GPD2: variants seen among roughly 807,000 people sequenced by gnomAD.
The protein encoded by GPD2 is glycerol-3-phosphate dehydrogenase, mitochondrial.
GPD2 carries 54 observed loss-of-function variants against 82.4 expected under a neutral mutation model. The ratio of observed to expected loss-of-function variants is 0.66; its 90% CI spans 0.53 to 0.82. The LOEUF (loss-of-function observed/expected upper bound fraction) is 0.82. GPD2 is among the 40% of genes least tolerant of loss of function. The pLI, the probability that GPD2 is intolerant of heterozygous loss-of-function variation, is 0.00. For missense variants in GPD2, 748 were observed against 896.2 expected (o/e 0.83, Z 2.11); for synonymous variants, 288 against 306.1 (o/e 0.94, Z 0.62).
At chr2:156,443,083 C>T (rs1682233830) in intron 1 of GPD2, among the ~76,000 whole-genome samples, 1 of 152,154 alleles carries the variant, frequency 6.6e-6, no homozygotes, top group Non-Finnish European at 1.5e-5. Flanking sequence ...ACTGTTGTCC[C>T]TATTCTGATG....
In GPD2 at chr2:156,463,530, A is replaced by G. The variant is rs533123839; in HGVS notation, c.-8-12568A>G. Among the ~76,000 whole-genome samples the G allele has an allele frequency of 2.6e-5, 4 of 152,350 alleles. No individual in the cohort carries two copies. The South Asian group carries it at 8.3e-4, about 32-fold the overall frequency. ...ATCTATTGAATGAAGAAAAACCATA[A>G]AGTAATAAACTTTTAAAGTTAAAAT... On this transcript the variant is annotated intron_variant, in intron 1 of 16. Coordinates refer to ENST00000438166, the MANE Select transcript of GPD2 (RefSeq NM_000408.5).
chr2:156,483,987 CTTTT>C (rs10610989), intron 2 of GPD2, among the ~76,000 whole-genome samples: 4 of 92,278 alleles, frequency 4.3e-5, no homozygotes, highest in African/African-American at 1.2e-4. Context: ...TGCTTGCTTG[CTTTT>C]TTTTTTTTTT....
chr2:156,486,727 G>A (rs766224484), intron 2 of GPD2, among the ~76,000 whole-genome samples: 1 of 152,186 alleles, frequency 6.6e-6, no homozygotes, highest in African/African-American at 2.4e-5. Flanking sequence ...TTTCAACAAA[G>A]AATTTCTGTA....
At position 156,535,732 on chromosome 2, in the gene GPD2, G is replaced by A. The variant is rs1487888738; in HGVS notation, c.662-13876G>A. Among the ~76,000 whole-genome samples, 4 of 152,158 alleles carry A rather than the reference G, an allele frequency of 2.6e-5. No homozygotes were observed. The East Asian group carries it at 7.7e-4, about 29-fold the overall frequency. On this transcript the variant is annotated intron_variant, in intron 6 of 16. Coordinates refer to ENST00000438166, the MANE Select transcript of GPD2 (RefSeq NM_000408.5). ...TTAAGAATAATCTAGATCTTTTAAA[G>A]CTTCGGTAATGTGGGCTTTAAAAAA...
At chr2:156,553,201 T>G (rs1200612900) in intron 8 of GPD2, among the ~76,000 whole-genome samples, 1 of 152,054 alleles carries the variant, frequency 6.6e-6, no homozygotes, top group African/African-American at 2.4e-5. Context: ...TATGTACTGA[T>G]AATACCTAAC....
chr2:156,533,523 C>T (rs1049743094), intron 6 of GPD2, among the ~76,000 whole-genome samples: 3 of 151,582 alleles, frequency 2.0e-5, no homozygotes, highest in African/African-American at 4.9e-5. Context: ...ATCTTATTAG[C>T]TCTAGATAGT....
At chr2:156,467,735 A>G (rs1297066235) in intron 1 of GPD2, among the ~76,000 whole-genome samples, 3 of 152,218 alleles carry the variant, frequency 2.0e-5, no homozygotes, top group African/African-American at 7.2e-5. Context: ...AACAACAACA[A>G]AAGAGGAGAA....
chr2:156,480,336 G>C (rs1683678756), intron 2 of GPD2, among the ~76,000 whole-genome samples: 1 of 152,186 alleles, frequency 6.6e-6, no homozygotes, highest in Admixed American at 6.5e-5. Flanking sequence ...AGTGGCCAGG[G>C]AGAATGAAAC....
chr2:156,402,140 A>G, the GPD2 span, among the ~76,000 whole-genome samples: 9 of 152,234 alleles, frequency 5.9e-5, no homozygotes, highest in Non-Finnish European at 8.8e-5. Flanking sequence ...AACACACAAT[A>G]TTATGTTCAG....
chr2:156,541,176 C>T (rs1352638586), intron 6 of GPD2, among the ~76,000 whole-genome samples: 7 of 152,232 alleles, frequency 4.6e-5, no homozygotes, highest in Non-Finnish European at 8.8e-5. Context: ...AAGCAACTAG[C>T]ATGAGATTTC....
chr2:156,495,594 A>C (rs1411876206), intron 2 of GPD2: 1 of 463,786 alleles, frequency 2.2e-6, no homozygotes. Flanking sequence ...TGAGGAATGA[A>C]GAATGTATAC....
intron 6 of GPD2, among the ~76,000 whole-genome samples, chr2:156,541,081 A>G (rs1385250087): frequency 6.6e-6 from 1 of 152,248 alleles, no homozygotes; most frequent in African/African-American, 2.4e-5. Flanking sequence ...TAGCATCATT[A>G]TCTATCTCAC....
In GPD2 at chr2:156,586,365, A is replaced by G. The variant is rs1273939712; in HGVS notation, c.*3447A>G. On this transcript the variant is annotated 3_prime_UTR_variant, in exon 17 of 17. Coordinates refer to ENST00000438166, the MANE Select transcript of GPD2 (RefSeq NM_000408.5). ...TAGGGCATGACTTCTGTATTTGTGC[A>G]ATCCTATTCTACAATTACATTCATC... 6.6e-6 allele frequency: 1 copy of G among 152,022 alleles called. No individual in the cohort carries two copies. The highest frequency in any genetic ancestry group is 1.5e-5 in the Non-Finnish European group (1 of 67,934). 9.4% of individuals were successfully genotyped at this position (152,022 alleles called of 1,614,324 possible).
At chr2:156,458,599 T>C (rs1573889086) in intron 1 of GPD2, among the ~76,000 whole-genome samples, 1 of 152,192 alleles carries the variant, frequency 6.6e-6, no homozygotes, top group African/African-American at 2.4e-5. Context: ...TCCTAATAAA[T>C]TGTAAAGGCA....
chr2:156,468,444 C>A (rs930411637), intron 1 of GPD2, among the ~76,000 whole-genome samples: 13 of 152,178 alleles, frequency 8.5e-5, no homozygotes, highest in Non-Finnish European at 1.5e-4. Flanking sequence ...TGTGACACGA[C>A]TCAAAATAGT....
intron 1 of GPD2, among the ~76,000 whole-genome samples, chr2:156,454,700 G>A (rs1682727926): frequency 6.6e-6 from 1 of 152,120 alleles, no homozygotes; most frequent in Admixed American, 6.6e-5. Flanking sequence ...GAGTGGGAGG[G>A]AGGGAGGCCT....
At chr2:156,495,473 C>A in intron 2 of GPD2, 1 of 241,448 alleles carries the variant, frequency 4.1e-6, no homozygotes. Flanking sequence ...ATATAATTCT[C>A]ATTAAACATA....
chr2:156,439,328 A>C (rs1180451097), intron 1 of GPD2, among the ~76,000 whole-genome samples: 1 of 151,910 alleles, frequency 6.6e-6, no homozygotes, highest in Non-Finnish European at 1.5e-5. Flanking sequence ...CTGTAATCCC[A>C]GCACTTTGCT....
the GPD2 span, among the ~76,000 whole-genome samples, chr2:156,406,167 G>A: frequency 1.3e-5 from 2 of 151,764 alleles, no homozygotes; most frequent in South Asian, 4.1e-4. Context: ...GCCCTTTACT[G>A]GCTGGGAATT....
Sources: gnomAD v4.1 joint callset for allele counts (sites outside exome capture counted in the v4.1 genomes callset) on GRCh38, gnomAD v4.1.1 for gene constraint, MANE v1.5 for transcripts, NCBI Gene and HGNC (gene_info 2026-07-23, HGNC 2026-07-21) for gene names.